CHRNB3: variants seen among roughly 807,000 people sequenced by gnomAD.
CHRNB3 encodes the protein cholinergic receptor nicotinic beta 3 subunit.
In CHRNB3, 37 loss-of-function variants were observed where a neutral mutation model predicts 40.6. The observed-to-expected ratio is 0.91, with a 90% CI of 0.70 to 1.20. CHRNB3 has a LOEUF of 1.20. CHRNB3 is among the 50% of genes most tolerant of loss of function. The pLI is 0.00. For synonymous variants in CHRNB3, 207 were observed against 207.1 expected, an observed-to-expected ratio of 1.00 and a Z score of 0.00; for missense variants, 505 against 551.2, an observed-to-expected ratio of 0.92 and a Z score of 0.84.
chr8:42,714,591 A>G (rs925285369), intron 3 of CHRNB3, among the ~76,000 whole-genome samples: 3 of 151,746 alleles, frequency 2.0e-5, no homozygotes, highest in Non-Finnish European at 4.4e-5. Flanking sequence ...GATAAAACAG[A>G]TATTTATAAA....
chr8:42,708,472 A>ACAC (rs1554589834), intron 1 of CHRNB3, among the ~76,000 whole-genome samples: 1 of 51,704 alleles, frequency 1.9e-5, no homozygotes, highest in Non-Finnish European at 5.8e-5. Context: ...TCTCAAAAAA[A>ACAC]ATACACACAC....
At position 42,731,889 on chromosome 8, in the gene CHRNB3, C is replaced by T. The variant is rs1004181858; in HGVS notation, c.582C>T (p.Asp194=). ...ILINENVDRK[D]FFDNGEWEIL... ...TCAATGAAAATGTCGACAGAAAAGA[C>T]TTCTTCGATAACGGAGAATGGGAAA... Residue 194 remains aspartate (D), a synonymous_variant, in exon 5 of 6, where the codon GAC becomes GAT. Coordinates refer to ENST00000289957, the MANE Select transcript of CHRNB3 (RefSeq NM_000749.5). 9 of 1,614,018 alleles carry T rather than the reference C, an allele frequency of 5.6e-6. No individual in the cohort carries two copies. Among genetic ancestry groups the T allele is most frequent in the African/African-American group, 4.0e-5 (3 of 74,896 alleles).
At chr8:42,734,039 C>G (rs1013529544) in intron 5 of CHRNB3, among the ~76,000 whole-genome samples, 1 of 150,910 alleles carries the variant, frequency 6.6e-6, no homozygotes, top group Admixed American at 6.6e-5. Context: ...GAGTGGATCA[C>G]GAGGTCAACA....
chr8:42,700,107 G>T (rs1815759386), intron 1 of CHRNB3, among the ~76,000 whole-genome samples: 1 of 150,828 alleles, frequency 6.6e-6, no homozygotes, highest in East Asian at 2.0e-4. Context: ...TCCGCCTCCC[G>T]GGTTCACGCC....
chr8:42,735,792 A>C (rs2078754146), intron 5 of CHRNB3, among the ~76,000 whole-genome samples: 1 of 152,046 alleles, frequency 6.6e-6, no homozygotes, highest in African/African-American at 2.4e-5. Context: ...TCTCCTTGGC[A>C]GCACCCTTCC....
At chr8:42,701,226 CAAA>C (rs58800727) in intron 1 of CHRNB3, among the ~76,000 whole-genome samples, 65 of 71,474 alleles carry the variant, frequency 9.1e-4, no homozygotes, top group African/African-American at 2.6e-3. Flanking sequence ...GACTCTGTCT[CAAA>C]AAAAAAAAAA....
At chr8:42,729,828 G>A (rs922644109) in intron 3 of CHRNB3, among the ~76,000 whole-genome samples, 10 of 152,088 alleles carry the variant, frequency 6.6e-5, no homozygotes, top group Non-Finnish European at 1.3e-4. Context: ...AGTCCACTCT[G>A]CTGTGATTGG....
At chr8:42,730,845 G>A (rs1472658727) in intron 4 of CHRNB3, 142 bp downstream of exon 4, 3 of 402,560 alleles carry the variant, frequency 7.5e-6, no homozygotes, top group African/African-American at 2.5e-5. Context: ...TCAGGAGATC[G>A]AGACCATCCT....
chr8:42,732,652 CGTTAT>C (rs1282194433), intron 5 of CHRNB3, 103 bp downstream of exon 5: 9 of 1,147,100 alleles, frequency 7.8e-6, no homozygotes, highest in Non-Finnish European at 1.2e-6. Flanking sequence ...TTAAATGTGA[CGTTAT>C]ATAAGACATG....
chr8:42,717,555 A>G (rs1586400560), intron 3 of CHRNB3, among the ~76,000 whole-genome samples: 2 of 150,922 alleles, frequency 1.3e-5, no homozygotes, highest in Non-Finnish European at 2.9e-5. Context: ...CTTTTCTACA[A>G]CCTTACTCTG....
intron 1 of CHRNB3, among the ~76,000 whole-genome samples, chr8:42,700,875 G>C (rs571780899): frequency 8.5e-5 from 13 of 152,226 alleles, no homozygotes; most frequent in Middle Eastern, 3.4e-3. Flanking sequence ...GCTAAAAGTG[G>C]ATGTTGATAT....
In CHRNB3 at chr8:42,731,707, A is replaced by G. The variant is rs1239520907; in HGVS notation, c.400A>G (p.Ile134Val). Residue 134 changes from isoleucine to valine, a missense_variant, in exon 5 of 6, where the codon ATC (isoleucine) becomes GTC (valine). Coordinates refer to ENST00000289957, the MANE Select transcript of CHRNB3 (RefSeq NM_000749.5). ...RFEGSLMTKV[I>V]VKSNGTVVWT... ...CGAAGGCTCCCTGATGACCAAGGTC[A>G]TCGTGAAATCAAACGGAACTGTTGT... is the stretch of plus-strand genomic sequence containing the variant. The G allele has an allele frequency of 1.9e-6, 3 of 1,613,558 alleles. No homozygotes were observed. Among genetic ancestry groups the G allele is most frequent in the Non-Finnish European group, 2.5e-6 (3 of 1,179,772 alleles).
rs1431365106 is a variant in CHRNB3 at position 42,732,367 on chromosome 8, G to T, written c.1060G>T (p.Asp354Tyr). 9.9e-6 allele frequency: 16 copies of T among 1,611,322 alleles called. No individual in the cohort carries two copies. Among genetic ancestry groups the T allele is most frequent in the Non-Finnish European group, 1.4e-5 (16 of 1,179,520 alleles). Reference sequence around the variant, plus strand: ...ATTACTTTGCATGAAAGATCATGTGGATCGCTACTCATCCCCAGAGAAAGA... The same window carrying T: ...ATTACTTTGCATGAAAGATCATGTGTATCGCTACTCATCCCCAGAGAAAGA... The part of the protein sequence containing the change: ...PKLLCMKDHV[D>Y]RYSSPEKEES... The change falls in exon 5 of 6, where the codon GAT (aspartate) becomes TAT (tyrosine). Residue 354 changes from aspartate (D) to tyrosine (Y), a missense_variant. Physicochemically the swap from Asp to Tyr is radical, Grantham distance 160. Transcript: ENST00000289957.
intron 1 of CHRNB3, among the ~76,000 whole-genome samples, chr8:42,698,735 G>A (rs1412646919): frequency 1.3e-5 from 2 of 152,142 alleles, no homozygotes; most frequent in Non-Finnish European, 2.9e-5. Flanking sequence ...GTGTGTTTGA[G>A]CTTACCATTA....
rs572317205 is a variant in CHRNB3 at position 42,731,006 on chromosome 8, C to A, written c.359+303C>A. 2.0e-5 allele frequency among the ~76,000 whole-genome samples: 3 copies of A among 148,656 alleles called. 1 individual carries two copies. Among genetic ancestry groups the A allele is most frequent in the African/African-American group, 7.5e-5 (3 of 39,940 alleles). On this transcript the variant is annotated intron_variant, in intron 4 of 5. Transcript: ENST00000289957. ...GAGCTTGCAGTGAGCCGAGATTGCG[C>A]CACTGCAGTCCGCAGTCCGGCCTGG...
At chr8:42,720,757 A>C (rs921111194) in intron 3 of CHRNB3, among the ~76,000 whole-genome samples, 1 of 152,172 alleles carries the variant, frequency 6.6e-6, no homozygotes, top group African/African-American at 2.4e-5. Context: ...AATCTTTCTG[A>C]CTTAAAAATA....
At chr8:42,723,388 C>T (rs544354632) in intron 3 of CHRNB3, among the ~76,000 whole-genome samples, 1 of 152,034 alleles carries the variant, frequency 6.6e-6, no homozygotes, top group African/African-American at 2.4e-5. Flanking sequence ...TGCTGTTTAG[C>T]CTGAGTACAC....
intron 3 of CHRNB3, among the ~76,000 whole-genome samples, chr8:42,728,480 G>T (rs966103631): frequency 5.3e-5 from 8 of 152,004 alleles, no homozygotes; most frequent in African/African-American, 9.7e-5. Flanking sequence ...AGTGAATCAT[G>T]ATGTCACCAT....
At chr8:42,726,007 C>T in intron 3 of CHRNB3, 2 of 1,131,208 alleles carry the variant, frequency 1.8e-6, no homozygotes, top group South Asian at 2.5e-5. Context: ...GGTGTGGTTT[C>T]ACTTCTAGTC....
Sources: allele counts gnomAD v4.1 joint callset (sites outside exome capture counted in the v4.1 genomes callset), GRCh38; gene constraint gnomAD v4.1.1; transcripts MANE v1.5; gene names NCBI Gene and HGNC (gene_info 2026-07-23, HGNC 2026-07-21).